Variants in UBE4B observed in about 807,000 individuals in gnomAD.
UBE4B encodes the protein ubiquitin conjugation factor E4 B.
A neutral mutation model predicts 148.1 loss-of-function variants in UBE4B; 27 were observed. The observed-to-expected ratio is 0.18, with a 90% CI of 0.13 to 0.25. The LOEUF (loss-of-function observed/expected upper bound fraction) is 0.25, where lower values mean the gene tolerates loss of function less well. UBE4B is among the 10% of genes least tolerant of loss of function. UBE4B has a pLI of 1.00. For synonymous variants in UBE4B, 596 were observed against 619.3 expected, an observed-to-expected ratio of 0.96 and a Z score of 0.56; for missense variants, 1,170 against 1,662.4, an observed-to-expected ratio of 0.70 and a Z score of 5.15.
intron 1 of UBE4B, among the ~76,000 whole-genome samples, chr1:10,044,437 G>A (rs770984248): frequency 2.0e-5 from 3 of 152,076 alleles, no homozygotes; most frequent in Non-Finnish European, 2.9e-5. Context: ...GACTGGTTTC[G>A]TAGAAGACAC....
At chr1:10,110,186 A>G (rs1474236167) in intron 7 of UBE4B, among the ~76,000 whole-genome samples, 2 of 152,214 alleles carry the variant, frequency 1.3e-5, no homozygotes, top group Non-Finnish European at 2.9e-5. Context: ...CTGCTGGCCC[A>G]GTGGATTCGA....
intron 2 of UBE4B, among the ~76,000 whole-genome samples, chr1:10,074,652 C>A (rs555892800): frequency 6.6e-6 from 1 of 152,332 alleles, no homozygotes; most frequent in South Asian, 2.1e-4. Context: ...CCTGGAAACA[C>A]GTTTTTCTTT....
At chr1:10,057,339 T>A (rs1644192998) in intron 1 of UBE4B, among the ~76,000 whole-genome samples, 1 of 151,920 alleles carries the variant, frequency 6.6e-6, no homozygotes, top group African/African-American at 2.4e-5. Context: ...AAAAAAGATA[T>A]AATTACTGCC....
chr1:10,159,835 T>C (rs1204919787), intron 22 of UBE4B, among the ~76,000 whole-genome samples: 2 of 152,260 alleles, frequency 1.3e-5, no homozygotes, highest in African/African-American at 4.8e-5. Flanking sequence ...ATTTGCCAGA[T>C]AGATTTCTGT....
chr1:10,127,431 A>G (rs1166836467), intron 11 of UBE4B, among the ~76,000 whole-genome samples: 2 of 152,228 alleles, frequency 1.3e-5, no homozygotes, highest in Non-Finnish European at 2.9e-5. Flanking sequence ...AGCTTCAGCT[A>G]GATTCCCATG....
At chr1:10,117,343 G>T in intron 7 of UBE4B, 116 bp from the exon 8 acceptor site, 2 of 1,362,918 alleles carry the variant, frequency 1.5e-6, no homozygotes, top group Non-Finnish European at 2.0e-6. Context: ...CCGCATGGGT[G>T]TTTGTGCTTT....
intron 2 of UBE4B, among the ~76,000 whole-genome samples, chr1:10,078,520 A>T (rs964434274): frequency 1.1e-4 from 16 of 152,080 alleles, no homozygotes; most frequent in Non-Finnish European, 2.1e-4. Flanking sequence ...TTCTTCCCCT[A>T]TCTTTAGATG....
intron 1 of UBE4B, among the ~76,000 whole-genome samples, chr1:10,034,639 A>G (rs1643434379): frequency 6.6e-6 from 1 of 152,154 alleles, no homozygotes; most frequent in South Asian, 2.1e-4. Context: ...TCACTGGTTC[A>G]TCATGTAAAC....
At chr1:10,093,437 T>C (rs1197410996) in intron 2 of UBE4B, among the ~76,000 whole-genome samples, 1 of 152,224 alleles carries the variant, frequency 6.6e-6, no homozygotes, top group Non-Finnish European at 1.5e-5. Flanking sequence ...TGTATTTTAC[T>C]TGAGTCCTAG....
intron 1 of UBE4B, among the ~76,000 whole-genome samples, chr1:10,043,084 A>C (rs1643832600): frequency 6.6e-6 from 1 of 150,880 alleles, no homozygotes; most frequent in Admixed American, 6.6e-5. Flanking sequence ...ATGTCAGCTC[A>C]CTGCAACCTC....
At chr1:10,149,373 GC>G in intron 20 of UBE4B, 91 bp downstream of exon 20, 2 of 1,053,174 alleles carry the variant, frequency 1.9e-6, no homozygotes, top group Non-Finnish European at 2.7e-6. Context: ...TCCATTTCAT[GC>G]CTGAAATTTG....
At chr1:10,115,764 T>G (rs949629119) in intron 7 of UBE4B, among the ~76,000 whole-genome samples, 5 of 152,228 alleles carry the variant, frequency 3.3e-5, no homozygotes, top group Non-Finnish European at 7.3e-5. Context: ...ACTACACACC[T>G]AGGCTATGTG....
intron 3 of UBE4B, among the ~76,000 whole-genome samples, chr1:10,097,433 C>A (rs1011676338): frequency 6.6e-6 from 1 of 152,112 alleles, no homozygotes; most frequent in Admixed American, 6.6e-5. Flanking sequence ...TCCTTCTGCT[C>A]ACTCTTATTC....
intron 25 of UBE4B, among the ~76,000 whole-genome samples, chr1:10,176,492 AT>A (rs112749844): frequency 6.6e-6 from 1 of 151,394 alleles, no homozygotes; most frequent in Non-Finnish European, 1.5e-5. Flanking sequence ...ATTCTTTTTC[AT>A]TTTTTTTCTT....
At position 10,130,732 on chromosome 1, in the gene UBE4B, A is replaced by C; in HGVS notation, c.1830A>C (p.Lys610Asn). The C allele has an allele frequency of 6.2e-7, 1 of 1,614,140 alleles. No individual in the cohort carries two copies. Among genetic ancestry groups the C allele is most frequent in the Non-Finnish European group, 8.5e-7 (1 of 1,180,024 alleles). ...FAEDDVKVVE[K>N]YFSGPAITLE... ...CTTTCCAGGTTAAAGTGGTTGAAAA[A>C]TACTTCTCAGGGCCTGCCATTACCC... is the stretch of plus-strand genomic sequence containing the variant. Residue 610 changes from lysine (K) to asparagine (N), a missense_variant, in exon 14 of 28, where the codon AAA becomes AAC. Coordinates refer to ENST00000343090, the MANE Select transcript of UBE4B (RefSeq NM_001105562.3).
At position 10,101,204 on chromosome 1, in the gene UBE4B, G is replaced by A. The variant is rs1304536993; in HGVS notation, c.435+9G>A. On this transcript the variant is annotated intron_variant, in intron 4 of 27. Coordinates refer to ENST00000343090, the MANE Select transcript of UBE4B (RefSeq NM_001105562.3). ...GGAGCCTCAGTGATAAGGTTGGTAA[G>A]CGATGAAGCCCTTGGTACAGGTAAT... The A allele has an allele frequency of 1.2e-6, 2 of 1,613,126 alleles. No individual in the cohort carries two copies. Among genetic ancestry groups the A allele is most frequent in the South Asian group, 1.1e-5 (1 of 91,068 alleles).
chr1:10,135,735 C>A (rs202058978), intron 16 of UBE4B, among the ~76,000 whole-genome samples: 1,821 of 111,068 alleles, frequency 0.016, 3 homozygotes, highest in South Asian at 0.018. Context: ...GACTCTGTCT[C>A]AAAAAAAAAA....
chr1:10,062,927 G>C (rs1263197962), intron 1 of UBE4B, among the ~76,000 whole-genome samples: 2 of 149,732 alleles, frequency 1.3e-5, no homozygotes, highest in Non-Finnish European at 3.0e-5. Flanking sequence ...TTGCACTCCA[G>C]CCTGGGAAAC....
chr1:10,133,499 T>C (rs907869364), intron 15 of UBE4B, among the ~76,000 whole-genome samples: 8 of 152,194 alleles, frequency 5.3e-5, no homozygotes, highest in African/African-American at 1.9e-4. Context: ...TTAACAGAGG[T>C]AATCAAGTTA....
Sources: gnomAD v4.1 joint callset for allele counts (sites outside exome capture counted in the v4.1 genomes callset) on GRCh38, gnomAD v4.1.1 for gene constraint, MANE v1.5 for transcripts, NCBI Gene and HGNC (gene_info 2026-07-23, HGNC 2026-07-21) for gene names.